ABCB5: variants seen among roughly 807,000 people sequenced by gnomAD.
The protein encoded by ABCB5 is ATP binding cassette subfamily B member 5.
In ABCB5, 155 loss-of-function variants were observed where a neutral mutation model predicts 144.2. That is an observed-to-expected ratio of 1.08 (90% CI 0.94 to 1.23). The LOEUF (loss-of-function observed/expected upper bound fraction) is 1.23, where lower values mean the gene tolerates loss of function less well. Ranked by LOEUF, ABCB5 falls within the 50% of genes most tolerant of loss-of-function variation. The probability of loss-of-function intolerance (pLI) is 0.00; values close to 1 mark genes in which losing one functional copy is unlikely to be tolerated. For synonymous variants in ABCB5, 610 were observed against 528.6 expected (o/e 1.15, Z -2.11); for missense variants, 1,830 against 1,520.8 (o/e 1.20, Z -3.38).
At chr7:20,624,116 C>T (rs1256901175) in intron 2 of ABCB5, among the ~76,000 whole-genome samples, 1 of 152,222 alleles carries the variant, frequency 6.6e-6, no homozygotes, top group East Asian at 1.9e-4. Flanking sequence ...ACCTTTTCCT[C>T]ATAAATTCAA....
chr7:20,624,887 A>T (rs1783875046), intron 2 of ABCB5, among the ~76,000 whole-genome samples: 1 of 152,074 alleles, frequency 6.6e-6, no homozygotes. Flanking sequence ...GCCAAAGGAC[A>T]CTTGGCCCCA....
intron 3 of ABCB5, among the ~76,000 whole-genome samples, chr7:20,627,839 G>C (rs1783943351): frequency 6.6e-6 from 1 of 152,136 alleles, no homozygotes; most frequent in African/African-American, 2.4e-5. Flanking sequence ...CCAGAGCGTT[G>C]AAAATGTGCA....
chr7:20,619,995 A>T (rs1783775386), intron 1 of ABCB5, among the ~76,000 whole-genome samples: 1 of 151,866 alleles, frequency 6.6e-6, no homozygotes, highest in Non-Finnish European at 1.5e-5. Context: ...GCCCTGCTTT[A>T]TTTCTGGGTC....
rs76721386 is a variant in ABCB5 at position 20,666,665 on chromosome 7, G to A, written c.1707+7989G>A. 3,568 of 1,463,038 alleles carry A rather than the reference G, an allele frequency of 2.4e-3. 104 individuals are homozygous for A. In the South Asian group the frequency reaches 0.042, roughly 17 times the overall value. 90.6% of individuals were successfully genotyped at this position (1,463,038 alleles called of 1,614,324 possible). A position where few individuals can be genotyped will look rare whatever the true frequency, so the allele number is the denominator to read the frequency against. On this transcript the variant is annotated intron_variant, in intron 14 of 27. Coordinates refer to ENST00000404938, the MANE Select transcript of ABCB5 (RefSeq NM_001163941.2). ...CCTGTCTTCCTGGTGACCTTTGTTT[G>A]GTCAAATACCTAATTGTTTGGCTTT... is the stretch of plus-strand genomic sequence containing the variant.
intron 15 of ABCB5, 34 bp from the exon 16 acceptor site, chr7:20,685,662 C>T: frequency 6.5e-7 from 1 of 1,541,914 alleles, no homozygotes; most frequent in Non-Finnish European, 8.8e-7. Context: ...TTAAGGCATT[C>T]TTATAATGAT....
chr7:20,625,688 C>G (rs765835055), intron 2 of ABCB5, among the ~76,000 whole-genome samples: 1 of 152,116 alleles, frequency 6.6e-6, no homozygotes, highest in Non-Finnish European at 1.5e-5. Context: ...AAACTGGAAT[C>G]CTTGTTCTGG....
At chr7:20,700,885 T>A (rs1331214308) in intron 19 of ABCB5, among the ~76,000 whole-genome samples, 1 of 152,190 alleles carries the variant, frequency 6.6e-6, no homozygotes, top group Non-Finnish European at 1.5e-5. Context: ...CCAAGGTGAT[T>A]TCTTTTCAGA....
At chr7:20,629,785 GAGAAGA>G (rs35282965) in intron 4 of ABCB5, among the ~76,000 whole-genome samples, 1 of 151,614 alleles carries the variant, frequency 6.6e-6, no homozygotes, top group Non-Finnish European at 1.5e-5. Context: ...GAAGGAGAAG[GAGAAGA>G]AGAAGAAGAA....
At chr7:20,743,129 C>CAT in intron 25 of ABCB5, 55 bp downstream of exon 25, 1 of 1,569,616 alleles carries the variant, frequency 6.4e-7, no homozygotes, top group Non-Finnish European at 8.7e-7. Flanking sequence ...TATTCTTAAA[C>CAT]ATTCACTAGG....
intron 27 of ABCB5, among the ~76,000 whole-genome samples, chr7:20,755,002 TG>T (rs1285347940): frequency 6.6e-6 from 1 of 151,906 alleles, no homozygotes; most frequent in East Asian, 1.9e-4. Flanking sequence ...TAGGCTGGAG[TG>T]CAATGGCACG....
chr7:20,751,234 A>C (rs986957080), intron 26 of ABCB5, among the ~76,000 whole-genome samples: 1 of 149,856 alleles, frequency 6.7e-6, no homozygotes, highest in African/African-American at 2.5e-5. Flanking sequence ...TTTCGGCTAA[A>C]GAGAAACTCT....
intron 25 of ABCB5, among the ~76,000 whole-genome samples, chr7:20,743,973 C>T (rs759409006): frequency 1.1e-4 from 17 of 152,182 alleles, no homozygotes; most frequent in Non-Finnish European, 2.1e-4. Context: ...GCCCTGGCCC[C>T]TGCCTCCCAC....
intron 14 of ABCB5, among the ~76,000 whole-genome samples, chr7:20,680,297 G>T (rs909981513): frequency 1.3e-5 from 2 of 152,000 alleles, no homozygotes; most frequent in African/African-American, 2.4e-5. Flanking sequence ...CGGTGGTCAC[G>T]CCTGTAATCC....
intron 7 of ABCB5, 49 bp downstream of exon 7, chr7:20,643,681 T>C (rs746775499): frequency 1.3e-6 from 2 of 1,593,734 alleles, no homozygotes; most frequent in Non-Finnish European, 1.7e-6. Flanking sequence ...CAGTGTGGAC[T>C]AAATGACTCA....
chr7:20,740,358 C>G (rs1782524601), intron 24 of ABCB5, among the ~76,000 whole-genome samples: 1 of 152,096 alleles, frequency 6.6e-6, no homozygotes, highest in Non-Finnish European at 1.5e-5. Flanking sequence ...TAGGTATATA[C>G]TTAAATGTTT....
chr7:20,629,959 G>T (rs1263245953), intron 4 of ABCB5, among the ~76,000 whole-genome samples: 2 of 152,134 alleles, frequency 1.3e-5, no homozygotes, highest in African/African-American at 4.8e-5. Flanking sequence ...TGAATTGGTG[G>T]TGAGAGGAAC....
At chr7:20,692,975 A>G (rs1011851021) in intron 16 of ABCB5, among the ~76,000 whole-genome samples, 4 of 152,210 alleles carry the variant, frequency 2.6e-5, no homozygotes, top group Admixed American at 2.0e-4. Context: ...GTAAATAGAA[A>G]TTCGGCAGAA....
intron 13 of ABCB5, among the ~76,000 whole-genome samples, chr7:20,653,560 A>G (rs1784672187): frequency 1.3e-5 from 2 of 152,224 alleles, no homozygotes; most frequent in Non-Finnish European, 2.9e-5. Context: ...ATTTCCATGC[A>G]TTGGATGAGA....
intron 23 of ABCB5, among the ~76,000 whole-genome samples, chr7:20,729,004 T>C (rs1389414119): frequency 2.0e-5 from 3 of 152,242 alleles, no homozygotes; most frequent in African/African-American, 7.2e-5. Flanking sequence ...ATTCATATGA[T>C]GTTTAATGAT....
Sources: gnomAD v4.1 joint callset for allele counts (sites outside exome capture counted in the v4.1 genomes callset) on GRCh38, gnomAD v4.1.1 for gene constraint, MANE v1.5 for transcripts, NCBI Gene and HGNC (gene_info 2026-07-23, HGNC 2026-07-21) for gene names.